SPAG1: variants seen among roughly 807,000 people sequenced by gnomAD.
SPAG1 encodes the protein sperm associated antigen 1.
In SPAG1, 69 loss-of-function variants were observed where a neutral mutation model predicts 100.5. The ratio of observed to expected loss-of-function variants is 0.69; its 90% confidence interval spans 0.57 to 0.84. SPAG1 has a LOEUF of 0.84. Among genes scored for constraint, SPAG1 ranks in the 40% least tolerant of loss-of-function variants. The pLI is 0.00. For missense variants in SPAG1, 955 were observed against 1,133.1 expected (o/e 0.84, Z 2.26); for synonymous variants, 336 against 411.6 (o/e 0.82, Z 2.22).
chr8:100,170,907 G>A (rs1815799112), intron 3 of SPAG1, among the ~76,000 whole-genome samples: 1 of 151,824 alleles, frequency 6.6e-6, no homozygotes, highest in African/African-American at 2.4e-5. Context: ...AGTGGTAAGA[G>A]CAGATCCTCG....
intron 3 of SPAG1, among the ~76,000 whole-genome samples, chr8:100,168,704 T>TTTTTTTTTTTTTTTTTTTTAA (rs1815683125): frequency 6.9e-6 from 1 of 144,626 alleles, no homozygotes. Context: ...TTTTTGTTGT[T>TTTTTTTTTTTTTTTTTTTTAA]GAGACAGAGC....
intron 4 of SPAG1, among the ~76,000 whole-genome samples, chr8:100,183,074 A>C (rs1239809080): frequency 6.6e-6 from 1 of 152,092 alleles, no homozygotes; most frequent in Non-Finnish European, 1.5e-5. Context: ...CCCAGGTTCA[A>C]GCAATTCTCA....
chr8:100,184,045 C>A lies in SPAG1; in HGVS notation c.578C>A (p.Thr193Lys), dbSNP rs779180301. ...AAGTCACACTTGTCTAAAATTGAGA[C>A]AAGAATAGATACAGCAGGTAATTGG... ...IDKSHLSKIETRIDTAGLTEK... is the reference protein window; with the variant it reads ...IDKSHLSKIEKRIDTAGLTEK... Residue 193 changes from threonine (T) to lysine (K), a missense_variant, in exon 6 of 19, where the codon ACA becomes AAA. By Grantham distance (78) the Thr-to-Lys change is moderately conservative (BLOSUM62 -1). Coordinates refer to ENST00000388798, the MANE Select transcript of SPAG1 (RefSeq NM_003114.5). 3.4e-6 allele frequency: 5 copies of A among 1,458,256 alleles called. No homozygotes were observed. The highest frequency in any genetic ancestry group is 4.6e-6 in the Non-Finnish European group (5 of 1,076,686). 90.3% of individuals were successfully genotyped at this position (1,458,256 alleles called of 1,614,324 possible).
At position 100,220,478 on chromosome 8, in the gene SPAG1, T is replaced by A. The variant is rs748106528; in HGVS notation, c.1688+47T>A. 1.3e-4 allele frequency: 194 copies of A among 1,496,466 alleles called. 1 individual carries two copies. The highest frequency in any genetic ancestry group is 8.4e-4 in the East Asian group (36 of 42,982). 92.7% of individuals were successfully genotyped at this position (1,496,466 alleles called of 1,614,324 possible). The stretch of plus-strand genomic sequence containing the variant: ...CCTAAAATCTAGTTGTTTTATACTG[T>A]TTTTCCCTTCCCCTCCTTCAAGAAC... On this transcript the variant is annotated intron_variant, in intron 13 of 18. Coordinates refer to ENST00000388798, the MANE Select transcript of SPAG1 (RefSeq NM_003114.5).
intron 10 of SPAG1, among the ~76,000 whole-genome samples, chr8:100,199,637 G>A (rs976387030): frequency 6.6e-6 from 1 of 152,102 alleles, no homozygotes; most frequent in Non-Finnish European, 1.5e-5. Flanking sequence ...AGTAGAGATG[G>A]AGTTTCATCA....
At chr8:100,232,518 A>G (rs892271318) in intron 15 of SPAG1, among the ~76,000 whole-genome samples, 2 of 152,020 alleles carry the variant, frequency 1.3e-5, no homozygotes, top group African/African-American at 4.8e-5. Flanking sequence ...TCCCTCTTCC[A>G]GTCAGCAAGC....
In SPAG1 at chr8:100,200,870, GC is replaced by G. The variant is rs576705988; in HGVS notation, c.1096+6603del. ...TAGCCCCTTGTCAGATGAGTAGATT[GC>G]AAAAATTGTCTCCCATTTTGTAGGT... On this transcript the variant is annotated intron_variant, in intron 10 of 18. Transcript: ENST00000388798. Among the ~76,000 whole-genome samples, 735 of 152,078 alleles carry G rather than the reference GC, an allele frequency of 4.8e-3. 9 individuals are homozygous for G. Among genetic ancestry groups the G allele is most frequent in the African/African-American group, 0.017 (717 of 41,514 alleles).
In SPAG1 at chr8:100,213,440, G is replaced by C; in HGVS notation, c.1435+12G>C. On this transcript the variant is annotated intron_variant, in intron 11 of 18. Transcript: ENST00000388798. ...CCTGGAGCCAGCAGGTAGGTGCGCC[G>C]CGCCCCGCCGCTTCCTGGGCCCCTC... 1 of 1,383,502 alleles carries C rather than the reference G, an allele frequency of 7.2e-7. No individual in the cohort carries two copies. The highest frequency in any genetic ancestry group is 9.3e-7 in the Non-Finnish European group (1 of 1,071,216). 85.7% of individuals were successfully genotyped at this position (1,383,502 alleles called of 1,614,324 possible).
At chr8:100,169,478 G>C (rs190874390) in intron 3 of SPAG1, among the ~76,000 whole-genome samples, 2 of 152,178 alleles carry the variant, frequency 1.3e-5, no homozygotes, top group African/African-American at 4.8e-5. Flanking sequence ...AGTGGCTCAC[G>C]CCTATAATCC....
chr8:100,195,670 C>T (rs1817003039), intron 10 of SPAG1, among the ~76,000 whole-genome samples: 1 of 152,110 alleles, frequency 6.6e-6, no homozygotes, highest in Non-Finnish European at 1.5e-5. Flanking sequence ...AACCATATGT[C>T]TTACAGTTAA....
chr8:100,190,174 G>A (rs1463198217), intron 8 of SPAG1, among the ~76,000 whole-genome samples: 1 of 151,784 alleles, frequency 6.6e-6, no homozygotes, highest in Non-Finnish European at 1.5e-5. Flanking sequence ...TTAGCTGGAT[G>A]TGGTGGCATG....
chr8:100,159,049 G>A (rs142135911), intron 1 of SPAG1: 18 of 151,794 alleles, frequency 1.2e-4, no homozygotes, highest in African/African-American at 4.3e-4. Context: ...GGTAAGAGAT[G>A]GCTCTATCAT....
intron 14 of SPAG1, among the ~76,000 whole-genome samples, chr8:100,228,201 T>C (rs1032373287): frequency 1.3e-5 from 2 of 152,118 alleles, no homozygotes; most frequent in Non-Finnish European, 2.9e-5. Context: ...AAATAGAAGA[T>C]GAAAAGTAAA....
chr8:100,180,198 G>A (rs1816307383), intron 4 of SPAG1, among the ~76,000 whole-genome samples: 1 of 151,922 alleles, frequency 6.6e-6, no homozygotes, highest in Non-Finnish European at 1.5e-5. Flanking sequence ...GTGGTGTGGT[G>A]GCACATGCCT....
chr8:100,240,538 G>A lies in SPAG1; in HGVS notation c.2416G>A (p.Ala806Thr), dbSNP rs142038400. 1.2e-6 allele frequency: 2 copies of A among 1,614,104 alleles called. No homozygotes were observed. Among genetic ancestry groups the A allele is most frequent in the Non-Finnish European group, 1.7e-6 (2 of 1,179,996 alleles). Reference protein sequence around the residue: ...EKLPIAKPNNAYEFGQIINAL... With the variant: ...EKLPIAKPNNTYEFGQIINAL... ...ACTTCCGATAGCCAAGCCTAATAAT[G>A]CCTATGAATTTGGTCAGATTATAAA... Residue 806 changes from alanine (A) to threonine (T), a missense_variant, in exon 18 of 19, where the codon GCC becomes ACC. By Grantham distance (58) the Ala-to-Thr change is moderately conservative (BLOSUM62 0). Transcript: ENST00000388798.
intron 15 of SPAG1, 30 bp downstream of exon 15, chr8:100,231,318 T>A (rs1818758752): frequency 7.3e-7 from 1 of 1,368,118 alleles, no homozygotes; most frequent in African/African-American, 1.5e-5. Flanking sequence ...ATATATTTCT[T>A]ATGTTAATAG....
At chr8:100,166,135 C>T (rs919733192) in intron 3 of SPAG1, among the ~76,000 whole-genome samples, 162 bp downstream of exon 3, 13 of 152,116 alleles carry the variant, frequency 8.5e-5, no homozygotes, top group Non-Finnish European at 1.8e-4. Context: ...ATTGCGAATT[C>T]GCGTGTGTGT....
At chr8:100,175,449 T>G (rs1160114216) in intron 3 of SPAG1, among the ~76,000 whole-genome samples, 3 of 151,992 alleles carry the variant, frequency 2.0e-5, no homozygotes, top group African/African-American at 7.3e-5. Context: ...CATGCCTGAC[T>G]AATTTTTTTT....
chr8:100,176,555 G>C (rs1816127794), intron 3 of SPAG1, among the ~76,000 whole-genome samples: 1 of 151,892 alleles, frequency 6.6e-6, no homozygotes, highest in Non-Finnish European at 1.5e-5. Context: ...AGTAGAGACG[G>C]GGTTTCACCA....
Sources: gnomAD v4.1 joint callset for allele counts (sites outside exome capture counted in the v4.1 genomes callset) on GRCh38, gnomAD v4.1.1 for gene constraint, MANE v1.5 for transcripts, NCBI Gene and HGNC (gene_info 2026-07-23, HGNC 2026-07-21) for gene names.